DSG2: variants seen among roughly 807,000 people sequenced by gnomAD.
DSG2 encodes desmoglein 2.
Under a neutral mutation model 75.6 loss-of-function variants are expected in DSG2, and 45 were observed. That is an observed-to-expected ratio of 0.60 (90% CI 0.47 to 0.76). DSG2 has a LOEUF of 0.76. DSG2 is among the 30% of genes least tolerant of loss of function. The pLI, the probability that DSG2 is intolerant of heterozygous loss-of-function variation, is 0.00. For synonymous variants in DSG2, 429 were observed against 483.9 expected, an observed-to-expected ratio of 0.89 and a Z score of 1.49; for missense variants, 1,267 against 1,357.4, an observed-to-expected ratio of 0.93 and a Z score of 1.05.
rs973445903 is a variant in DSG2 at position 31,546,533 on chromosome 18, A to G, written c.3147A>G (p.Arg1049=). Reference sequence around the variant, plus strand: ...GACAGAATGTGACAGTGACAGAAAGAGTTCTAGCACCTGCTTCCACTCTGC... The same window carrying G: ...GACAGAATGTGACAGTGACAGAAAGGGTTCTAGCACCTGCTTCCACTCTGC... ...AVGQNVTVTE[R]VLAPASTLQS... Residue 1049 remains arginine, a synonymous_variant, in exon 15 of 15, where the codon AGA becomes AGG. Coordinates refer to ENST00000261590, the MANE Select transcript of DSG2 (RefSeq NM_001943.5). 18 of 1,614,200 alleles carry G rather than the reference A, an allele frequency of 1.1e-5. No homozygotes were observed. Among genetic ancestry groups the G allele is most frequent in the Non-Finnish European group, 1.5e-5 (18 of 1,180,028 alleles).
rs373256184 is a variant in DSG2 at position 31,537,415 on chromosome 18, C to T, written c.1651+986C>T. Among the ~76,000 whole-genome samples, 62 of 152,142 alleles carry T rather than the reference C, an allele frequency of 4.1e-4. No individual in the cohort carries two copies. In the East Asian group the frequency reaches 5.2e-3, roughly 13 times the overall value. ...CAGGCGGATCATGAGGTCAGGAGAT[C>T]GAGACCATCCTGGCTAACACGGTGA... On this transcript the variant is annotated intron_variant, in intron 11 of 14. Coordinates refer to ENST00000261590, the MANE Select transcript of DSG2 (RefSeq NM_001943.5).
intron 6 of DSG2, among the ~76,000 whole-genome samples, chr18:31,523,463 C>A (rs2073141842): frequency 6.6e-6 from 1 of 152,076 alleles, no homozygotes; most frequent in African/African-American, 2.4e-5. Flanking sequence ...GCCTAACAGG[C>A]TTAAGGGAAT....
intron 1 of DSG2, among the ~76,000 whole-genome samples, chr18:31,504,704 G>T (rs969687028): frequency 6.6e-6 from 1 of 152,174 alleles, no homozygotes; most frequent in Non-Finnish European, 1.5e-5. Flanking sequence ...GGCAATCCAT[G>T]CTCGTCATTG....
At chr18:31,505,405 G>A (rs192126602) in intron 1 of DSG2, among the ~76,000 whole-genome samples, 13 of 152,174 alleles carry the variant, frequency 8.5e-5, no homozygotes, top group African/African-American at 2.4e-4. Flanking sequence ...TTTTATAGCC[G>A]TCAGTTATAC....
chr18:31,500,233 A>C (rs760629473), intron 1 of DSG2, among the ~76,000 whole-genome samples: 1 of 152,210 alleles, frequency 6.6e-6, no homozygotes, highest in African/African-American at 2.4e-5. Context: ...ACCTAAGTGT[A>C]GGAAGGATTG....
At chr18:31,522,803 G>C (rs893199331) in intron 6 of DSG2, among the ~76,000 whole-genome samples, 3 of 149,786 alleles carry the variant, frequency 2.0e-5, no homozygotes, top group East Asian at 1.9e-4. Flanking sequence ...GTGAGGAAAG[G>C]GATGAAAATA....
At chr18:31,537,725 C>T (rs1025465361) in intron 11 of DSG2, among the ~76,000 whole-genome samples, 2 of 152,026 alleles carry the variant, frequency 1.3e-5, no homozygotes, top group African/African-American at 2.4e-5. Flanking sequence ...AAGTTGAAGC[C>T]GGGCATGGTA....
chr18:31,542,982 AG>A, intron 14 of DSG2, 130 bp downstream of exon 14: 1 of 797,856 alleles, frequency 1.3e-6, no homozygotes, highest in Non-Finnish European at 1.9e-6. Flanking sequence ...TTCTTTTTTC[AG>A]GGAATACTTA....
chr18:31,516,162 A>G (rs1022950806), intron 1 of DSG2, among the ~76,000 whole-genome samples: 1 of 152,196 alleles, frequency 6.6e-6, no homozygotes, highest in Admixed American at 6.5e-5. Flanking sequence ...AAGATAAGGA[A>G]AACCTAAATA....
chr18:31,534,311 T>C (rs2073215424), intron 9 of DSG2, among the ~76,000 whole-genome samples: 1 of 152,068 alleles, frequency 6.6e-6, no homozygotes, highest in Non-Finnish European at 1.5e-5. Context: ...TCTGAAAACA[T>C]AATATGGACA....
intron 1 of DSG2, among the ~76,000 whole-genome samples, chr18:31,510,524 G>A (rs1432004958): frequency 6.6e-6 from 1 of 151,974 alleles, no homozygotes; most frequent in Non-Finnish European, 1.5e-5. Flanking sequence ...TTTTCTAAAA[G>A]TGCTGACCTT....
chr18:31,526,061 T>C (rs1470314694), intron 8 of DSG2, among the ~76,000 whole-genome samples: 3 of 152,142 alleles, frequency 2.0e-5, no homozygotes, highest in Non-Finnish European at 2.9e-5. Flanking sequence ...GGAGAATCAC[T>C]TGAACCTGGG....
At chr18:31,537,947 T>C (rs370775120) in intron 11 of DSG2, among the ~76,000 whole-genome samples, 5 of 152,168 alleles carry the variant, frequency 3.3e-5, no homozygotes, top group African/African-American at 1.2e-4. Context: ...TGAGCCAAGA[T>C]GGCAGCACAG....
At chr18:31,511,545 CA>C (rs901592026) in intron 1 of DSG2, among the ~76,000 whole-genome samples, 1 of 152,348 alleles carries the variant, frequency 6.6e-6, no homozygotes, top group East Asian at 1.9e-4. Context: ...GACAGTTCCA[CA>C]ATTGACAAAA....
chr18:31,502,798 A>G (rs543988508), intron 1 of DSG2, among the ~76,000 whole-genome samples: 12 of 152,072 alleles, frequency 7.9e-5, no homozygotes, highest in African/African-American at 2.7e-4. Context: ...GGGAGGGAGG[A>G]AGGAAGAAAG....
intron 9 of DSG2, among the ~76,000 whole-genome samples, chr18:31,534,694 G>C (rs2073218521): frequency 6.6e-6 from 1 of 151,900 alleles, no homozygotes; most frequent in African/African-American, 2.4e-5. Context: ...GTTTTTAGTA[G>C]AGACGGGGTT....
chr18:31,507,582 A>G (rs1272497005), intron 1 of DSG2, among the ~76,000 whole-genome samples: 1 of 152,170 alleles, frequency 6.6e-6, no homozygotes, highest in Non-Finnish European at 1.5e-5. Context: ...TATCCTCTCC[A>G]GCATCTGTTG....
At position 31,546,809 on chromosome 18, in the gene DSG2, A is replaced by C; in HGVS notation, c.*66A>C. On this transcript the variant is annotated 3_prime_UTR_variant, in exon 15 of 15. Coordinates refer to ENST00000261590, the MANE Select transcript of DSG2 (RefSeq NM_001943.5). ...GTGACTAATTTCATGTTTCCAATGT[A>C]CCTGATTTTTCATGAGCCTTACAGA... The C allele has an allele frequency of 6.5e-6, 10 of 1,545,930 alleles. No individual in the cohort carries two copies. The South Asian group carries it at 1.1e-4, about 17-fold the overall frequency.
At position 31,547,153 on chromosome 18, in the gene DSG2, C is replaced by T. The variant is rs776627848; in HGVS notation, c.*410C>T. 3.0e-6 allele frequency: 1 copy of T among 335,976 alleles called. No homozygotes were observed. Among genetic ancestry groups the T allele is most frequent in the Non-Finnish European group, 5.8e-6 (1 of 173,698 alleles). 20.8% of individuals were successfully genotyped at this position (335,976 alleles called of 1,614,324 possible). A position where few individuals can be genotyped will look rare whatever the true frequency, so the allele number is the denominator to read the frequency against. On this transcript the variant is annotated 3_prime_UTR_variant, in exon 15 of 15. Coordinates refer to ENST00000261590, the MANE Select transcript of DSG2 (RefSeq NM_001943.5). Reference sequence around the variant, plus strand: ...CGTATTAACATTAAACATTGATGTTCTGTATTCTGTACTTTACTGCACCCA... The same window carrying T: ...CGTATTAACATTAAACATTGATGTTTTGTATTCTGTACTTTACTGCACCCA...
Sources: gnomAD v4.1 joint callset for allele counts (sites outside exome capture counted in the v4.1 genomes callset) on GRCh38, gnomAD v4.1.1 for gene constraint, MANE v1.5 for transcripts, NCBI Gene and HGNC (gene_info 2026-07-23, HGNC 2026-07-21) for gene names.